PPARGC1A: variants seen among roughly 807,000 people sequenced by gnomAD.
PPARGC1A encodes the protein PPARG coactivator 1 alpha, also known as peroxisome proliferator-activated receptor gamma coactivator 1-alpha.
PPARGC1A carries 25 observed loss-of-function variants against 88.7 expected under a neutral mutation model. That is an observed-to-expected ratio of 0.28 (90% CI 0.21 to 0.39). PPARGC1A has a LOEUF of 0.39. Ranked by LOEUF, PPARGC1A falls within the 10% of genes least tolerant of loss-of-function variation. The pLI, the probability that PPARGC1A is intolerant of heterozygous loss-of-function variation, is 1.00. For missense variants in PPARGC1A, 880 were observed against 968.7 expected (o/e 0.91, Z 1.22); for synonymous variants, 363 against 355.6 (o/e 1.02, Z -0.24).
the PPARGC1A span, among the ~76,000 whole-genome samples, chr4:24,155,005 G>A: frequency 6.6e-6 from 1 of 152,004 alleles, no homozygotes; most frequent in East Asian, 1.9e-4. Flanking sequence ...GTAAAAACCA[G>A]CATGATGTAG....
At chr4:24,105,422 G>A in the PPARGC1A span, among the ~76,000 whole-genome samples, 27 of 152,306 alleles carry the variant, frequency 1.8e-4, no homozygotes, top group African/African-American at 6.3e-4. Context: ...AGAGATAAAA[G>A]GGCCTGAGGA....
chr4:23,825,232 T>C (rs1258234202), intron 5 of PPARGC1A: 1 of 152,092 alleles, frequency 6.6e-6, no homozygotes, highest in Non-Finnish European at 1.5e-5. Context: ...AAAATTTCAA[T>C]TGCTTCTCTG....
the PPARGC1A span, among the ~76,000 whole-genome samples, chr4:24,267,625 T>G: frequency 0.16 from 24,110 of 152,192 alleles, 2,342 homozygotes; most frequent in Middle Eastern, 0.31. Context: ...GGAAGCTTCA[T>G]AGGCATGGTT....
the PPARGC1A span, among the ~76,000 whole-genome samples, chr4:24,260,663 C>T: frequency 1.3e-5 from 2 of 151,956 alleles, no homozygotes; most frequent in African/African-American, 4.8e-5. Flanking sequence ...TGTGGGGCTG[C>T]TGTCACAATC....
At chr4:23,880,879 C>T (rs1436637455) in intron 2 of PPARGC1A, 1 of 152,162 alleles carries the variant, frequency 6.6e-6, no homozygotes, top group African/African-American at 2.4e-5. Flanking sequence ...CTAGAGACGA[C>T]TGCATTCTCA....
At chr4:24,029,572 T>G in the PPARGC1A span, among the ~76,000 whole-genome samples, 1 of 152,180 alleles carries the variant, frequency 6.6e-6, no homozygotes, top group African/African-American at 2.4e-5. Context: ...GGAATCATAA[T>G]GCCTATCTTA....
the PPARGC1A span, among the ~76,000 whole-genome samples, chr4:24,089,505 C>CT: frequency 0.016 from 1,192 of 73,770 alleles, 77 homozygotes; most frequent in African/African-American, 0.053. Flanking sequence ...CTTTTCTTTT[C>CT]TTTTCTTTCT....
At chr4:23,924,985 G>T in the PPARGC1A span, among the ~76,000 whole-genome samples, 5 of 152,178 alleles carry the variant, frequency 3.3e-5, no homozygotes, top group African/African-American at 1.2e-4. Flanking sequence ...ATTATCTTTT[G>T]AAAAGTATGA....
At chr4:24,002,068 T>TCACACACACACACACACA in the PPARGC1A span, among the ~76,000 whole-genome samples, 1 of 122,950 alleles carries the variant, frequency 8.1e-6, no homozygotes, top group Non-Finnish European at 1.7e-5. Context: ...GATGATAAAT[T>TCACACACACACACACACA]CACACACACA....
chr4:24,244,062 C>A, the PPARGC1A span, among the ~76,000 whole-genome samples: 1 of 152,178 alleles, frequency 6.6e-6, no homozygotes, highest in Non-Finnish European at 1.5e-5. Flanking sequence ...ATTGTCCACA[C>A]CTCCCTTGGG....
the PPARGC1A span, among the ~76,000 whole-genome samples, chr4:24,140,001 A>G: frequency 6.6e-6 from 1 of 152,228 alleles, no homozygotes; most frequent in Non-Finnish European, 1.5e-5. Context: ...CTTCCCTGTG[A>G]CAAATGGAAA....
chr4:24,280,006 T>C, the PPARGC1A span, among the ~76,000 whole-genome samples: 1 of 152,136 alleles, frequency 6.6e-6, no homozygotes, highest in African/African-American at 2.4e-5. Flanking sequence ...AGCCAATATC[T>C]AGCCCATCCG....
the PPARGC1A span, among the ~76,000 whole-genome samples, chr4:24,392,939 C>T: frequency 0.017 from 2,631 of 151,918 alleles, 60 homozygotes; most frequent in African/African-American, 0.06. Flanking sequence ...TGAATTTTGT[C>T]TCTTAGGCTT....
At chr4:24,373,976 A>G in the PPARGC1A span, among the ~76,000 whole-genome samples, 1 of 152,214 alleles carries the variant, frequency 6.6e-6, no homozygotes, top group Admixed American at 6.5e-5. Context: ...ACAGAAATCA[A>G]AACAAAACCA....
chr4:24,179,329 A>G, the PPARGC1A span, among the ~76,000 whole-genome samples: 2 of 152,194 alleles, frequency 1.3e-5, no homozygotes, highest in East Asian at 3.9e-4. Context: ...AGTCCCCTTT[A>G]TCACGTAACT....
chr4:24,326,104 A>G, the PPARGC1A span, among the ~76,000 whole-genome samples: 1 of 152,070 alleles, frequency 6.6e-6, no homozygotes, highest in African/African-American at 2.4e-5. Flanking sequence ...TTAACCCACA[A>G]GTATAAGATA....
At chr4:24,412,921 T>C in the PPARGC1A span, among the ~76,000 whole-genome samples, 3 of 152,186 alleles carry the variant, frequency 2.0e-5, no homozygotes, top group Non-Finnish European at 4.4e-5. Flanking sequence ...ATCTGGCACT[T>C]TTCAGAAATA....
chr4:24,367,054 A>T, the PPARGC1A span, among the ~76,000 whole-genome samples: 2 of 152,232 alleles, frequency 1.3e-5, no homozygotes, highest in Admixed American at 6.5e-5. Context: ...AAAATAGATC[A>T]TAATGGATAA....
chr4:24,253,096 G>T, the PPARGC1A span, among the ~76,000 whole-genome samples: 2 of 152,092 alleles, frequency 1.3e-5, no homozygotes, highest in South Asian at 4.2e-4. Context: ...TCTCTCCTCT[G>T]CAAAAGAAGG....
Sources: allele counts gnomAD v4.1 joint callset (sites outside exome capture counted in the v4.1 genomes callset), GRCh38; gene constraint gnomAD v4.1.1; transcripts MANE v1.5; gene names NCBI Gene and HGNC (gene_info 2026-07-23, HGNC 2026-07-21).